CRTC1: variants seen among roughly 807,000 people sequenced by gnomAD.
CRTC1 encodes CREB regulated transcription coactivator 1.
CRTC1 carries 18 observed loss-of-function variants against 66.1 expected under a neutral mutation model. That is an observed-to-expected ratio of 0.27 (90% CI 0.19 to 0.40). The LOEUF is 0.40. Among genes scored for constraint, CRTC1 ranks in the 10% least tolerant of loss-of-function variants. The pLI, the probability that CRTC1 is intolerant of heterozygous loss-of-function variation, is 1.00. For missense variants in CRTC1, 669 were observed against 887.9 expected (o/e 0.75, Z 3.13); for synonymous variants, 416 against 398.8 (o/e 1.04, Z -0.51).
chr19:18,701,931 T>G lies in CRTC1; in HGVS notation c.126+18103T>G, dbSNP rs1386428102. On this transcript the variant is annotated intron_variant, in intron 1 of 13. Coordinates refer to ENST00000321949, the MANE Select transcript of CRTC1 (RefSeq NM_015321.3). The stretch of plus-strand genomic sequence containing the variant: ...CCGCGCCCACCGTTTTGTTTTTTTT[T>G]TTTTTTTTTGAGACGGAGTTTCACT... Among the ~76,000 whole-genome samples the G allele has an allele frequency of 2.7e-5, 4 of 150,368 alleles. No homozygotes were observed. The East Asian group carries it at 7.8e-4, about 29-fold the overall frequency.
chr19:18,697,881 T>C (rs1224081139), intron 1 of CRTC1, among the ~76,000 whole-genome samples: 1 of 152,272 alleles, frequency 6.6e-6, no homozygotes, highest in Non-Finnish European at 1.5e-5. Flanking sequence ...CAAGAGGCAC[T>C]TCGTGCCCAC....
At position 18,768,637 on chromosome 19, in the gene CRTC1, G is replaced by A. The variant is rs781240043; in HGVS notation, c.1164G>A (p.Ala388=). 42 of 1,451,516 alleles carry A rather than the reference G, an allele frequency of 2.9e-5. No individual in the cohort carries two copies. The Admixed American group carries it at 4.0e-4, about 14-fold the overall frequency. The allele number at this position is 1,451,516 out of a possible 1,614,324, so 89.9% of individuals were successfully genotyped here. A position where few individuals can be genotyped will look rare whatever the true frequency, so the allele number is the denominator to read the frequency against. ...CACCACCCCCGCCACCCCCACAGGC[G>A]CCCGTCCGCCTGCCCCCTGGTGGCC... ...QQPPPPPPPQ[A]PVRLPPGGPL... The change falls in exon 10 of 14, where the codon GCG becomes GCA. Residue 388 remains alanine, a synonymous_variant. Coordinates refer to ENST00000321949, the MANE Select transcript of CRTC1 (RefSeq NM_015321.3). The surrounding 1 kb of genome is among the most constrained non-coding windows in gnomAD (Gnocchi z 5.6).
At chr19:18,732,552 G>A (rs1054714325) in intron 1 of CRTC1, among the ~76,000 whole-genome samples, 2 of 152,170 alleles carry the variant, frequency 1.3e-5, no homozygotes, top group African/African-American at 2.4e-5. Flanking sequence ...CTAAGACAGA[G>A]GATTATTTTG....
intron 9 of CRTC1, among the ~76,000 whole-genome samples, chr19:18,767,310 G>A (rs951063462): frequency 1.3e-5 from 2 of 151,752 alleles, no homozygotes; most frequent in East Asian, 1.9e-4. Context: ...AGCGATTTTC[G>A]TGCTAGCCTC....
intron 8 of CRTC1, among the ~76,000 whole-genome samples, chr19:18,762,772 G>A (rs934030167): frequency 5.9e-5 from 9 of 152,252 alleles, no homozygotes; most frequent in Non-Finnish European, 1.2e-4. Context: ...CAAGGCTCCC[G>A]TCCGCCCTCC....
At chr19:18,684,398 G>A (rs958122315) in intron 1 of CRTC1, among the ~76,000 whole-genome samples, 17 of 152,094 alleles carry the variant, frequency 1.1e-4, no homozygotes, top group African/African-American at 2.9e-4. Flanking sequence ...GTGTCTCTAC[G>A]TCATGGTTAC....
At chr19:18,687,507 C>T (rs751427138) in intron 1 of CRTC1, among the ~76,000 whole-genome samples, 2 of 152,200 alleles carry the variant, frequency 1.3e-5, no homozygotes, top group Non-Finnish European at 2.9e-5. Context: ...GTCCAAGTGG[C>T]ATGTCCGCCG....
intron 5 of CRTC1, among the ~76,000 whole-genome samples, chr19:18,752,645 C>CTT (rs910534597): frequency 1.4e-5 from 2 of 143,036 alleles, no homozygotes; most frequent in African/African-American, 5.1e-5. Context: ...CTCTTTCTTT[C>CTT]TTTTTTTTTT....
intron 9 of CRTC1, among the ~76,000 whole-genome samples, chr19:18,766,621 AAT>A (rs1340901803): frequency 6.6e-6 from 1 of 151,434 alleles, no homozygotes; most frequent in East Asian, 1.9e-4. Flanking sequence ...AATTAAAAAA[AAT>A]AATAATAGAG....
chr19:18,773,325 C>T (rs144178813), intron 11 of CRTC1, among the ~76,000 whole-genome samples: 3 of 152,300 alleles, frequency 2.0e-5, no homozygotes, highest in African/African-American at 2.4e-5. Context: ...CTGTGTGCAC[C>T]CTAGCCAGGC....
chr19:18,690,983 G>A (rs966225245), intron 1 of CRTC1, among the ~76,000 whole-genome samples: 13 of 146,012 alleles, frequency 8.9e-5, no homozygotes, highest in African/African-American at 2.0e-4. Flanking sequence ...CCGAGATCAC[G>A]CCACTACGCT....
chr19:18,685,979 T>C (rs1300345541), intron 1 of CRTC1, among the ~76,000 whole-genome samples: 2 of 152,226 alleles, frequency 1.3e-5, no homozygotes, highest in South Asian at 2.1e-4. Flanking sequence ...GTTTAAAGTG[T>C]ACAGTTTGGT....
intron 9 of CRTC1, among the ~76,000 whole-genome samples, chr19:18,767,645 C>T (rs1266241601): frequency 6.6e-6 from 1 of 152,218 alleles, no homozygotes; most frequent in East Asian, 1.9e-4. Flanking sequence ...ACAAAGGTGT[C>T]TTATTCAGAT....
chr19:18,718,514 T>TC (rs1251764226), intron 1 of CRTC1, among the ~76,000 whole-genome samples: 1 of 151,978 alleles, frequency 6.6e-6, no homozygotes, highest in East Asian at 1.9e-4. Flanking sequence ...CTAATTTTTT[T>TC]TTTTTTTTTT....
At chr19:18,695,241 G>T (rs966449467) in intron 1 of CRTC1, among the ~76,000 whole-genome samples, 1 of 152,032 alleles carries the variant, frequency 6.6e-6, no homozygotes, top group Non-Finnish European at 1.5e-5. Flanking sequence ...TCCTGGTCTC[G>T]AGACCTGCCC....
At chr19:18,739,568 G>T (rs1186860036) in intron 1 of CRTC1, among the ~76,000 whole-genome samples, 2 of 152,230 alleles carry the variant, frequency 1.3e-5, no homozygotes, top group Non-Finnish European at 2.9e-5. Flanking sequence ...CTGCTGAGCA[G>T]CGGGTCCTGG....
chr19:18,711,924 T>C (rs2053401396), intron 1 of CRTC1, among the ~76,000 whole-genome samples: 1 of 152,156 alleles, frequency 6.6e-6, no homozygotes, highest in Non-Finnish European at 1.5e-5. Flanking sequence ...TTCACTGAGA[T>C]AAAACACATA....
intron 4 of CRTC1, among the ~76,000 whole-genome samples, chr19:18,749,076 C>T (rs2054308037): frequency 6.6e-6 from 1 of 152,134 alleles, no homozygotes; most frequent in Admixed American, 6.5e-5. Context: ...TCTTGAGGCA[C>T]CTGCAGCCAG....
At chr19:18,690,920 G>A (rs1025231701) in intron 1 of CRTC1, among the ~76,000 whole-genome samples, 6 of 152,024 alleles carry the variant, frequency 3.9e-5, no homozygotes, top group Middle Eastern at 3.4e-3. Context: ...CAGCTACTCG[G>A]GAGGCTGAGG....
Sources: gnomAD v4.1 joint callset for allele counts (sites outside exome capture counted in the v4.1 genomes callset) on GRCh38, gnomAD v4.1.1 for gene constraint, Gnocchi (gnomAD v3.1) non-coding constraint, MANE v1.5 for transcripts, NCBI Gene and HGNC (gene_info 2026-07-23, HGNC 2026-07-21) for gene names.